The following KCNG2 variants were observed in gnomAD, a reference collection of about 807,000 sequenced individuals.
KCNG2 encodes the protein voltage-gated potassium channel regulatory subunit KCNG2.
KCNG2 carries 7 observed loss-of-function variants against 12.3 expected under a neutral mutation model. The observed-to-expected ratio is 0.57, with a 90% CI of 0.32 to 1.07. KCNG2 has a LOEUF of 1.07. KCNG2 is among the 50% of genes least tolerant of loss of function. KCNG2 has a pLI of 0.04. For synonymous variants in KCNG2, 414 were observed against 351.4 expected (o/e 1.18, Z -1.99); for missense variants, 703 against 726.0 (o/e 0.97, Z 0.36).
intron 3 of KCNG2, among the ~76,000 whole-genome samples, chr18:79,876,636 G>T (rs1400969550): frequency 6.6e-6 from 1 of 152,224 alleles, no homozygotes; most frequent in African/African-American, 2.4e-5. Flanking sequence ...TGTCTGTGAC[G>T]CTGGTGCCCT....
chr18:79,812,741 C>T (rs1311331988), intron 1 of KCNG2, among the ~76,000 whole-genome samples: 1 of 152,084 alleles, frequency 6.6e-6, no homozygotes, highest in Non-Finnish European at 1.5e-5. Context: ...CGCACCTGTA[C>T]TCCCAGCTAC....
intron 1 of KCNG2, among the ~76,000 whole-genome samples, chr18:79,846,366 C>A (rs1393018222): frequency 3.8e-4 from 44 of 114,290 alleles, no homozygotes; most frequent in African/African-American, 1.3e-3. Flanking sequence ...CAGAGCGAGA[C>A]TCCGTCTCAA....
At chr18:79,883,765 C>T (rs1464204470) in intron 3 of KCNG2, among the ~76,000 whole-genome samples, 2 of 152,244 alleles carry the variant, frequency 1.3e-5, no homozygotes, top group South Asian at 2.1e-4. Flanking sequence ...TCCAGGTACC[C>T]TGGGTAAACG....
chr18:79,842,763 C>T lies in KCNG2; in HGVS notation c.-114-13616C>T, dbSNP rs577320969. Among the ~76,000 whole-genome samples, 61 of 152,170 alleles carry T rather than the reference C, an allele frequency of 4.0e-4. 1 individual carries two copies. In the South Asian group the frequency reaches 0.012, roughly 30 times the overall value. On this transcript the variant is annotated intron_variant, in intron 1 of 3. Coordinates refer to ENST00000316249, the MANE Select transcript of KCNG2 (RefSeq NM_012283.2). ...GATTTCAACAGTAGACTCAATTAAG[C>T]AGAAGAAAGAATCAGCAATCTCAAA...
At chr18:79,864,327 A>T in intron 3 of KCNG2, 36 bp downstream of exon 3, 1 of 1,083,392 alleles carries the variant, frequency 9.2e-7, no homozygotes, top group Non-Finnish European at 1.2e-6. Flanking sequence ...ACCGGGCCGG[A>T]GCTGGGGCTG....
chr18:79,800,869 G>A lies in KCNG2; in HGVS notation c.-115+2855G>A, dbSNP rs2087404197. ...TCAAGTCAAAATGGGTCCCCGGCGG[G>A]GCCAGGAGAACACCCAGACTCATGG... is the stretch of plus-strand genomic sequence containing the variant. On this transcript the variant is annotated intron_variant, in intron 1 of 3. Transcript: ENST00000316249. The surrounding 1 kb of genome is among the most constrained non-coding windows in gnomAD (Gnocchi z 4.0). Among the ~76,000 whole-genome samples, 2 of 152,218 alleles carry A rather than the reference G, an allele frequency of 1.3e-5. 1 individual carries two copies. Among genetic ancestry groups the A allele is most frequent in the South Asian group, 4.1e-4 (2 of 4,832 alleles).
chr18:79,818,098 C>T (rs1398025283), intron 1 of KCNG2, among the ~76,000 whole-genome samples: 1 of 152,216 alleles, frequency 6.6e-6, no homozygotes, highest in Non-Finnish European at 1.5e-5. Flanking sequence ...TGAGGCAGCA[C>T]CTTCAGGCCA....
At chr18:79,829,175 A>G (rs1364418185) in intron 1 of KCNG2, among the ~76,000 whole-genome samples, 1 of 134,034 alleles carries the variant, frequency 7.5e-6, no homozygotes, top group East Asian at 2.3e-4. Flanking sequence ...TAACATGTCC[A>G]TGATGTGTGC....
chr18:79,858,371 G>C (rs144164293), intron 2 of KCNG2, among the ~76,000 whole-genome samples: 4 of 152,292 alleles, frequency 2.6e-5, no homozygotes, highest in Non-Finnish European at 5.9e-5. Context: ...TCTTAGCATA[G>C]GTTTTATCCA....
At chr18:79,823,073 C>T (rs1198423397) in intron 1 of KCNG2, among the ~76,000 whole-genome samples, 1 of 152,228 alleles carries the variant, frequency 6.6e-6, no homozygotes, top group Non-Finnish European at 1.5e-5. Context: ...CACAGCCAGG[C>T]AGGCACCTGT....
intron 3 of KCNG2, among the ~76,000 whole-genome samples, chr18:79,894,213 C>T (rs1017698474): frequency 8.6e-5 from 13 of 150,454 alleles, no homozygotes; most frequent in Non-Finnish European, 1.3e-4. Flanking sequence ...TGATTGAGTT[C>T]TTCACTCCAT....
At chr18:79,829,588 GTC>G (rs1355068304) in intron 1 of KCNG2, among the ~76,000 whole-genome samples, 3 of 152,116 alleles carry the variant, frequency 2.0e-5, no homozygotes. Flanking sequence ...TGGCTGGTCA[GTC>G]TCTGCCTCAC....
chr18:79,858,174 T>C (rs1296282057), intron 2 of KCNG2, among the ~76,000 whole-genome samples: 2 of 152,122 alleles, frequency 1.3e-5, no homozygotes, highest in African/African-American at 4.8e-5. Context: ...CTAAGTTTTG[T>C]ATTTTTTGGT....
intron 1 of KCNG2, among the ~76,000 whole-genome samples, chr18:79,805,894 C>T (rs973214850): frequency 1.5e-4 from 23 of 152,136 alleles, no homozygotes; most frequent in African/African-American, 3.4e-4. Flanking sequence ...CACACACACG[C>T]GCCTAGGGGA....
chr18:79,805,018 G>A (rs2087438360), intron 1 of KCNG2, among the ~76,000 whole-genome samples: 1 of 152,108 alleles, frequency 6.6e-6, no homozygotes, highest in South Asian at 2.1e-4. Context: ...ATATTATATT[G>A]AAAGCATCCT....
At chr18:79,819,575 G>A (rs927249238) in intron 1 of KCNG2, among the ~76,000 whole-genome samples, 5 of 152,194 alleles carry the variant, frequency 3.3e-5, no homozygotes, top group Non-Finnish European at 7.3e-5. Context: ...CGGGGTTTGT[G>A]TGAGCCCCGT....
At chr18:79,898,905 C>T (rs941486041) in intron 3 of KCNG2, 135 bp from the exon 4 acceptor site, 4 of 631,378 alleles carry the variant, frequency 6.3e-6, no homozygotes, top group Non-Finnish European at 7.9e-6. Context: ...GTCAATATCC[C>T]CTGCACCCGC....
intron 3 of KCNG2, among the ~76,000 whole-genome samples, chr18:79,874,532 C>T (rs1210808336): frequency 2.6e-5 from 4 of 152,204 alleles, no homozygotes; most frequent in Non-Finnish European, 2.9e-5. Context: ...GAAGATGTGA[C>T]GGTGGATTCT....
chr18:79,883,507 G>A (rs189951521), intron 3 of KCNG2, among the ~76,000 whole-genome samples: 1 of 152,224 alleles, frequency 6.6e-6, no homozygotes, highest in South Asian at 2.1e-4. Flanking sequence ...AAATATATTA[G>A]TGCAGAGTTT....
Sources: allele counts gnomAD v4.1 joint callset (sites outside exome capture counted in the v4.1 genomes callset), GRCh38; gene constraint gnomAD v4.1.1; non-coding constraint Gnocchi (gnomAD v3.1); transcripts MANE v1.5; gene names NCBI Gene and HGNC (gene_info 2026-07-23, HGNC 2026-07-21).